Variants in PALLD observed in about 807,000 individuals in gnomAD.
The protein encoded by PALLD is palladin, cytoskeletal associated protein.
PALLD carries 61 observed loss-of-function variants against 123.5 expected under a neutral mutation model. The observed-to-expected ratio is 0.49, with a 90% CI of 0.40 to 0.61. PALLD has a LOEUF of 0.61. Among genes scored for constraint, PALLD ranks in the 20% least tolerant of loss-of-function variants. PALLD has a pLI of 0.00. For missense variants in PALLD, 1,273 were observed against 1,377.0 expected, an observed-to-expected ratio of 0.92 and a Z score of 1.20; for synonymous variants, 465 against 496.4, an observed-to-expected ratio of 0.94 and a Z score of 0.84.
chr4:168,643,416 C>G (rs1247468601), intron 2 of PALLD, among the ~76,000 whole-genome samples: 1 of 152,132 alleles, frequency 6.6e-6, no homozygotes, highest in African/African-American at 2.4e-5. Context: ...CCAAAATGTC[C>G]CTGTTTAAGA....
At chr4:168,694,311 C>A (rs1782932126) in intron 8 of PALLD, among the ~76,000 whole-genome samples, 1 of 152,130 alleles carries the variant, frequency 6.6e-6, no homozygotes, top group South Asian at 2.1e-4. Flanking sequence ...TGATATTTTC[C>A]AAATGCTAAA....
intron 2 of PALLD, among the ~76,000 whole-genome samples, chr4:168,514,445 T>C (rs1171449015): frequency 6.6e-6 from 1 of 152,228 alleles, no homozygotes; most frequent in Non-Finnish European, 1.5e-5. Context: ...AATTTTACTA[T>C]AATTCTTTAA....
intron 2 of PALLD, among the ~76,000 whole-genome samples, chr4:168,559,307 A>G (rs962028502): frequency 6.6e-6 from 1 of 152,196 alleles, no homozygotes; most frequent in African/African-American, 2.4e-5. Flanking sequence ...CTATACACAA[A>G]TAGAGAAGAT....
chr4:168,786,911 C>A lies in PALLD; in HGVS notation c.1964+74988C>A, dbSNP rs75980123. Among the ~76,000 whole-genome samples the A allele has an allele frequency of 3.9e-3, 595 of 152,112 alleles. 2 individuals carry two copies. Among genetic ancestry groups the A allele is most frequent in the Middle Eastern group, 0.017 (5 of 294 alleles). ...TGTGGTTTGCAACCTTCATAGGGTCCCAAAGCAAGATGGAAACATCCCAAT... is the reference window on the plus strand; with the variant it reads ...TGTGGTTTGCAACCTTCATAGGGTCACAAAGCAAGATGGAAACATCCCAAT... On this transcript the variant is annotated intron_variant, in intron 10 of 21. Coordinates refer to ENST00000505667, the MANE Select transcript of PALLD (RefSeq NM_001166108.2).
chr4:168,914,135 T>A, intron 16 of PALLD, 114 bp downstream of exon 16: 1 of 746,544 alleles, frequency 1.3e-6, no homozygotes, highest in South Asian at 1.5e-5. Flanking sequence ...GAAGATAGAA[T>A]AGGAATGCAA....
intron 3 of PALLD, among the ~76,000 whole-genome samples, chr4:168,672,702 C>T (rs1009343309): frequency 4.6e-5 from 7 of 152,196 alleles, no homozygotes; most frequent in African/African-American, 1.7e-4. Flanking sequence ...TCGTCATCCA[C>T]CCGCCTCGGC....
At chr4:168,636,850 C>G (rs1246328540) in intron 2 of PALLD, among the ~76,000 whole-genome samples, 1 of 152,166 alleles carries the variant, frequency 6.6e-6, no homozygotes, top group Non-Finnish European at 1.5e-5. Flanking sequence ...AGAGCCAGTG[C>G]TCAGCAGGGT....
In PALLD at chr4:168,691,410, G is replaced by A. The variant is rs1782617390; in HGVS notation, c.1501+118G>A. 6.0e-6 allele frequency: 5 copies of A among 829,090 alleles called. No homozygotes were observed. The South Asian group carries it at 7.8e-5, about 13-fold the overall frequency. 51.4% of individuals were successfully genotyped at this position (829,090 alleles called of 1,614,324 possible). ...CCGTAAGCAGAACAATGTTTTTGTG[G>A]CTCCCTGGAAATGTGAAACCCCCTT... is the stretch of plus-strand genomic sequence containing the variant. On this transcript the variant is annotated intron_variant, in intron 8 of 21. Transcript: ENST00000505667.
At chr4:168,713,240 T>A (rs1236655163) in intron 10 of PALLD, among the ~76,000 whole-genome samples, 1 of 152,218 alleles carries the variant, frequency 6.6e-6, no homozygotes, top group Non-Finnish European at 1.5e-5. Flanking sequence ...ATGCGCCATC[T>A]CCATTCAGAG....
At chr4:168,714,285 T>C (rs1315388897) in intron 10 of PALLD, among the ~76,000 whole-genome samples, 1 of 152,172 alleles carries the variant, frequency 6.6e-6, no homozygotes, top group Admixed American at 6.5e-5. Context: ...AAAAAGGTTT[T>C]TGCAGTGTTT....
intron 8 of PALLD, among the ~76,000 whole-genome samples, chr4:168,691,822 T>A (rs150946055): frequency 3.1e-4 from 47 of 152,246 alleles, no homozygotes; most frequent in African/African-American, 1.1e-3. Flanking sequence ...CCCAGATCAC[T>A]CTTAATTATC....
Position 168,913,359 on chromosome 4 carries a change from G to A in PALLD, c.2623-568G>A, listed in dbSNP as rs560856597. Among the ~76,000 whole-genome samples the A allele has an allele frequency of 6.0e-3, 918 of 152,052 alleles. 15 individuals are homozygous for A. Among genetic ancestry groups the A allele is most frequent in the African/African-American group, 0.021 (871 of 41,492 alleles). On this transcript the variant is annotated intron_variant, in intron 15 of 21. Coordinates refer to ENST00000505667, the MANE Select transcript of PALLD (RefSeq NM_001166108.2). ...TCACCATATTGGCCAGGCTGGGCTCGAACTCCTGACCTCGTGATCCACCTG... is the reference window on the plus strand; with the variant it reads ...TCACCATATTGGCCAGGCTGGGCTCAAACTCCTGACCTCGTGATCCACCTG...
At position 168,700,293 on chromosome 4, in the gene PALLD, A is replaced by G. The variant is rs111235476; in HGVS notation, c.1502-8735A>G. 1,240 of 154,322 alleles carry G rather than the reference A, an allele frequency of 8.0e-3. 16 individuals are homozygous for G. Among genetic ancestry groups the G allele is most frequent in the African/African-American group, 0.028 (1,172 of 41,626 alleles). The allele number at this position is 154,322 out of a possible 1,614,324, so 9.6% of individuals were successfully genotyped here. The stretch of plus-strand genomic sequence containing the variant: ...TAGCAAAAATTGCTGTGACATTTCA[A>G]TGCATGAGGATCACTAAAAGAACAT... On this transcript the variant is annotated intron_variant, in intron 8 of 21. Transcript: ENST00000505667.
chr4:168,500,486 C>T (rs1424350261), intron 1 of PALLD, among the ~76,000 whole-genome samples: 1 of 152,162 alleles, frequency 6.6e-6, no homozygotes, highest in Non-Finnish European at 1.5e-5. Flanking sequence ...ACCTCAGCCT[C>T]TGGAGTAGCT....
intron 15 of PALLD, among the ~76,000 whole-genome samples, chr4:168,908,646 G>A (rs1438194988): frequency 6.6e-6 from 1 of 151,770 alleles, no homozygotes; most frequent in Non-Finnish European, 1.5e-5. Context: ...TTTGAGTTTA[G>A]AAAAAAAAGT....
At chr4:168,615,384 AC>A (rs1479926634) in intron 2 of PALLD, among the ~76,000 whole-genome samples, 2 of 152,210 alleles carry the variant, frequency 1.3e-5, no homozygotes, top group African/African-American at 4.8e-5. Flanking sequence ...ATCCACACAT[AC>A]TTTGGTAATC....
At chr4:168,526,036 A>T (rs779153014) in intron 2 of PALLD, among the ~76,000 whole-genome samples, 7 of 152,200 alleles carry the variant, frequency 4.6e-5, no homozygotes, top group Non-Finnish European at 8.8e-5. Flanking sequence ...CATCCAGTGC[A>T]CTATGTAAAA....
intron 2 of PALLD, among the ~76,000 whole-genome samples, chr4:168,651,830 AC>A (rs1778074397): frequency 1.3e-5 from 2 of 152,236 alleles, no homozygotes. Context: ...GTTTACTTGA[AC>A]AAAAATGCAA....
chr4:168,846,569 C>T (rs1191612958), intron 10 of PALLD, among the ~76,000 whole-genome samples: 1 of 152,194 alleles, frequency 6.6e-6, no homozygotes, highest in Non-Finnish European at 1.5e-5. Flanking sequence ...GCAGTTTCCT[C>T]TTTACAGGTG....
Sources: allele counts gnomAD v4.1 joint callset (sites outside exome capture counted in the v4.1 genomes callset), GRCh38; gene constraint gnomAD v4.1.1; transcripts MANE v1.5; gene names NCBI Gene and HGNC (gene_info 2026-07-23, HGNC 2026-07-21).